Variants in GLI2 observed in about 807,000 individuals in gnomAD.
The protein encoded by GLI2 is transcription activator GLI2.
In GLI2, 22 loss-of-function variants were observed where a neutral mutation model predicts 78.9. The observed-to-expected ratio is 0.28, with a 90% CI of 0.20 to 0.40. The LOEUF (loss-of-function observed/expected upper bound fraction) is 0.40. Among genes scored for constraint, GLI2 ranks in the 10% least tolerant of loss-of-function variants. The pLI is 1.00. For missense variants in GLI2, 2,097 were observed against 2,213.2 expected (o/e 0.95, Z 1.05); for synonymous variants, 974 against 963.7 (o/e 1.01, Z -0.20).
chr2:120,976,173 C>G, intron 9 of GLI2, among the ~76,000 whole-genome samples: 1 of 152,218 alleles, frequency 6.6e-6, no homozygotes, highest in East Asian at 1.9e-4. Context: ...AGCAGACACA[C>G]ACGCACGTGC....
At chr2:120,857,599 C>T (rs949715130) in intron 2 of GLI2, among the ~76,000 whole-genome samples, 2 of 150,076 alleles carry the variant, frequency 1.3e-5, no homozygotes, top group African/African-American at 4.9e-5. Context: ...TGATCCACCT[C>T]ACCCAAACAC....
rs188568333 is a variant in GLI2, at chr2:120,956,519, A to G, written c.643+1089A>G. ...TAGTGGAGGGAGTGGAAGGCTCAGC[A>G]CCCCCTCCCATCCCCCAGTCAGCGC... is the stretch of plus-strand genomic sequence containing the variant. On this transcript the variant is annotated intron_variant, in intron 5 of 13. Transcript: ENST00000361492. Among the ~76,000 whole-genome samples the G allele has an allele frequency of 1.7e-4, 25 of 151,198 alleles. No homozygotes were observed. The South Asian group carries it at 2.1e-3, about 13-fold the overall frequency.
intron 2 of GLI2, among the ~76,000 whole-genome samples, chr2:120,906,897 C>T (rs918066312): frequency 6.6e-6 from 1 of 152,156 alleles, no homozygotes; most frequent in Non-Finnish European, 1.5e-5. Context: ...CCCTCCTTGC[C>T]GCCTCTGCCC....
At chr2:120,914,490 G>T (rs937208704) in intron 2 of GLI2, among the ~76,000 whole-genome samples, 24 of 152,244 alleles carry the variant, frequency 1.6e-4, no homozygotes, top group Non-Finnish European at 2.9e-5. Context: ...CTGTGACCAA[G>T]ACAGAGTTTT....
intron 1 of GLI2, among the ~76,000 whole-genome samples, chr2:120,742,850 A>T (rs1682591438): frequency 6.6e-6 from 1 of 152,216 alleles, no homozygotes. Context: ...TGTTATGCAA[A>T]TAGAAGCTGT....
intron 2 of GLI2, among the ~76,000 whole-genome samples, chr2:120,892,986 G>T (rs1032408257): frequency 1.3e-5 from 2 of 152,238 alleles, no homozygotes; most frequent in African/African-American, 4.8e-5. Context: ...AGTCAGGAAG[G>T]ATAGACCACC....
At chr2:120,877,506 C>G (rs547602851) in intron 2 of GLI2, among the ~76,000 whole-genome samples, 91 of 152,310 alleles carry the variant, frequency 6.0e-4, no homozygotes, top group African/African-American at 2.1e-3. Flanking sequence ...CGAAGCCCCC[C>G]TGTGCCCACT....
intron 2 of GLI2, among the ~76,000 whole-genome samples, chr2:120,841,561 C>A (rs1686870056): frequency 6.6e-6 from 1 of 152,228 alleles, no homozygotes. Context: ...AGAGTGATGA[C>A]TTCTTGACTA....
chr2:120,877,624 C>G (rs2104698906), intron 2 of GLI2, among the ~76,000 whole-genome samples: 1 of 152,312 alleles, frequency 6.6e-6, no homozygotes, highest in African/African-American at 2.4e-5. Context: ...TGGAATTATG[C>G]AGTGTGTGCA....
At chr2:120,955,179 T>G in intron 4 of GLI2, 66 bp from the exon 5 acceptor site, 2 of 704,350 alleles carry the variant, frequency 2.8e-6, no homozygotes, top group Non-Finnish European at 2.4e-6. Context: ...TTTTTTTTTT[T>G]TTGGCAGGAG....
chr2:120,830,616 G>A (rs553850999), intron 2 of GLI2, among the ~76,000 whole-genome samples: 1 of 152,216 alleles, frequency 6.6e-6, no homozygotes, highest in African/African-American at 2.4e-5. Flanking sequence ...GAGCAGGGAC[G>A]GGGCCTGTTT....
chr2:120,847,399 T>C (rs965495046), intron 2 of GLI2, among the ~76,000 whole-genome samples: 5 of 152,056 alleles, frequency 3.3e-5, no homozygotes, highest in African/African-American at 1.2e-4. Flanking sequence ...TCCACACAGG[T>C]AAAAGCGTTT....
At chr2:120,795,688 AC>A (rs1247761419) in intron 1 of GLI2, among the ~76,000 whole-genome samples, 9 of 151,866 alleles carry the variant, frequency 5.9e-5, no homozygotes, top group African/African-American at 2.2e-4. Context: ...GCTGCCCATA[AC>A]CTTTCTGCCC....
At chr2:120,848,710 A>G (rs983008387) in intron 2 of GLI2, among the ~76,000 whole-genome samples, 1 of 152,194 alleles carries the variant, frequency 6.6e-6, no homozygotes, top group Non-Finnish European at 1.5e-5. Flanking sequence ...AAGGCCACCC[A>G]CACTGGGGTG....
intron 2 of GLI2, among the ~76,000 whole-genome samples, chr2:120,870,849 C>G (rs917539585): frequency 2.0e-5 from 3 of 152,184 alleles, no homozygotes; most frequent in Non-Finnish European, 4.4e-5. Flanking sequence ...ATACATGCAA[C>G]CTGCATGCCC....
intron 7 of GLI2, among the ~76,000 whole-genome samples, chr2:120,971,588 T>C (rs1005126370): frequency 6.6e-6 from 1 of 152,236 alleles, no homozygotes; most frequent in Non-Finnish European, 1.5e-5. Context: ...CCAGGCCCTG[T>C]TCTCAGACCC....
intron 1 of GLI2, among the ~76,000 whole-genome samples, chr2:120,742,679 T>TAAAAA (rs10522388): frequency 2.1e-5 from 3 of 140,696 alleles, no homozygotes; most frequent in African/African-American, 5.5e-5. Context: ...AGGATGACTT[T>TAAAAA]AAAAAAAAAG....
At chr2:120,817,172 T>C (rs1685533765) in intron 2 of GLI2, among the ~76,000 whole-genome samples, 1 of 152,256 alleles carries the variant, frequency 6.6e-6, no homozygotes, top group African/African-American at 2.4e-5. Flanking sequence ...CGCTGCTCTA[T>C]GCCATCCTTC....
intron 3 of GLI2, among the ~76,000 whole-genome samples, chr2:120,928,345 T>TC (rs1558889751): frequency 6.6e-6 from 1 of 151,816 alleles, no homozygotes; most frequent in Non-Finnish European, 1.5e-5. Context: ...GCCTGGAATC[T>TC]CCCCCCAACA....
Sources: gnomAD v4.1 joint callset for allele counts (sites outside exome capture counted in the v4.1 genomes callset) on GRCh38, gnomAD v4.1.1 for gene constraint, MANE v1.5 for transcripts, NCBI Gene and HGNC (gene_info 2026-07-23, HGNC 2026-07-21) for gene names.